LINGO2: variants seen among roughly 807,000 people sequenced by gnomAD.
LINGO2 encodes leucine-rich repeat and immunoglobulin-like domain-containing nogo receptor-interacting protein 2.
LINGO2 carries 14 observed loss-of-function variants against 30.6 expected under a neutral mutation model. The observed-to-expected ratio is 0.46, with a 90% CI of 0.30 to 0.72. LINGO2 has a LOEUF of 0.72. Ranked by LOEUF, LINGO2 falls within the 30% of genes least tolerant of loss-of-function variation. The probability of loss-of-function intolerance (pLI) is 0.07; values close to 1 mark genes in which losing one functional copy is unlikely to be tolerated. For missense variants in LINGO2, 729 were observed against 751.7 expected (o/e 0.97, Z 0.35); for synonymous variants, 317 against 288.5 (o/e 1.10, Z -1.00).
At chr9:28,797,991 G>C in the LINGO2 span, among the ~76,000 whole-genome samples, 1 of 152,012 alleles carries the variant, frequency 6.6e-6, no homozygotes, top group East Asian at 1.9e-4. Flanking sequence ...GGAACTAGCT[G>C]ACAGTTCAAT....
chr9:28,342,366 C>T (rs981057754), intron 3 of LINGO2, among the ~76,000 whole-genome samples: 7 of 152,120 alleles, frequency 4.6e-5, no homozygotes, highest in African/African-American at 1.4e-4. Context: ...CCAACAAACA[C>T]GCAAACTTTA....
At chr9:28,517,776 C>T (rs1820678391) in intron 1 of LINGO2, among the ~76,000 whole-genome samples, 1 of 152,100 alleles carries the variant, frequency 6.6e-6, no homozygotes, top group South Asian at 2.1e-4. Context: ...AGCATATTTT[C>T]ACACTGCGGA....
the LINGO2 span, among the ~76,000 whole-genome samples, chr9:29,023,549 A>G: frequency 2.6e-3 from 400 of 152,286 alleles, 1 homozygote; most frequent in African/African-American, 9.0e-3. Context: ...TAAAATTCAG[A>G]TACAGTAGTT....
chr9:28,824,103 C>T, the LINGO2 span, among the ~76,000 whole-genome samples: 1 of 152,100 alleles, frequency 6.6e-6, no homozygotes, highest in African/African-American at 2.4e-5. Context: ...TTGTTATTCG[C>T]TCATGCCTGT....
At chr9:28,591,282 C>T (rs1367885909) in intron 1 of LINGO2, among the ~76,000 whole-genome samples, 2 of 151,978 alleles carry the variant, frequency 1.3e-5, no homozygotes, top group African/African-American at 4.8e-5. Flanking sequence ...ACATTGTGCA[C>T]ATGTACCCTA....
At chr9:28,694,813 CAT>C in the LINGO2 span, among the ~76,000 whole-genome samples, 12 of 152,036 alleles carry the variant, frequency 7.9e-5, no homozygotes, top group East Asian at 2.1e-3. Context: ...CCCATGTTCA[CAT>C]GTGTCACTTA....
At chr9:29,115,306 C>G in the LINGO2 span, among the ~76,000 whole-genome samples, 1 of 152,012 alleles carries the variant, frequency 6.6e-6, no homozygotes, top group South Asian at 2.1e-4. Flanking sequence ...TTTATTTAGA[C>G]TATAAAGTCC....
the LINGO2 span, among the ~76,000 whole-genome samples, chr9:28,756,358 A>G: frequency 6.6e-6 from 1 of 151,954 alleles, no homozygotes; most frequent in African/African-American, 2.4e-5. Context: ...TGTGTCTTGT[A>G]AGTAATTAAC....
intron 4 of LINGO2, among the ~76,000 whole-genome samples, chr9:28,027,708 A>C (rs1435691860): frequency 6.6e-6 from 1 of 152,176 alleles, no homozygotes; most frequent in Non-Finnish European, 1.5e-5. Flanking sequence ...ATTAAATGCG[A>C]GGTGGTATAT....
chr9:28,519,153 C>A (rs1040344746), intron 1 of LINGO2, among the ~76,000 whole-genome samples: 3 of 152,050 alleles, frequency 2.0e-5, no homozygotes, highest in African/African-American at 7.2e-5. Context: ...CCATCTCAGC[C>A]TCCAGAGTAG....
chr9:28,940,199 A>C, the LINGO2 span, among the ~76,000 whole-genome samples: 1 of 152,108 alleles, frequency 6.6e-6, no homozygotes, highest in Non-Finnish European at 1.5e-5. Flanking sequence ...CCTCTTAGAC[A>C]TGCAGGTAGG....
chr9:28,284,933 TA>T (rs1823453855), intron 4 of LINGO2, among the ~76,000 whole-genome samples: 1 of 152,122 alleles, frequency 6.6e-6, no homozygotes, highest in Non-Finnish European at 1.5e-5. Flanking sequence ...CCATAACTCA[TA>T]GAACTGCCAC....
chr9:28,199,125 C>A (rs894112635), intron 4 of LINGO2, among the ~76,000 whole-genome samples: 1 of 152,154 alleles, frequency 6.6e-6, no homozygotes, highest in Non-Finnish European at 1.5e-5. Flanking sequence ...TATTACCCAG[C>A]ATTGCAAACT....
the LINGO2 span, among the ~76,000 whole-genome samples, chr9:28,829,744 G>T: frequency 6.6e-6 from 1 of 152,108 alleles, no homozygotes; most frequent in Non-Finnish European, 1.5e-5. Flanking sequence ...AAAAAAGCTA[G>T]CTGGGTGTGG....
At chr9:28,083,127 C>G (rs138037629) in intron 4 of LINGO2, among the ~76,000 whole-genome samples, 8 of 152,300 alleles carry the variant, frequency 5.3e-5, no homozygotes, top group African/African-American at 1.4e-4. Flanking sequence ...TGCTGAGACT[C>G]ACATGCATTG....
At chr9:28,223,942 G>C (rs566923385) in intron 4 of LINGO2, among the ~76,000 whole-genome samples, 2 of 152,320 alleles carry the variant, frequency 1.3e-5, no homozygotes, top group African/African-American at 4.8e-5. Flanking sequence ...TGATAGCAAA[G>C]ATGACAAGTA....
chr9:28,608,765 C>T (rs990696369), intron 1 of LINGO2, among the ~76,000 whole-genome samples: 1 of 151,798 alleles, frequency 6.6e-6, no homozygotes, highest in Non-Finnish European at 1.5e-5. Context: ...ACTTTTCCTT[C>T]GAACCATGGA....
intron 4 of LINGO2, among the ~76,000 whole-genome samples, chr9:28,191,009 C>T (rs576324693): frequency 6.6e-6 from 1 of 152,230 alleles, no homozygotes; most frequent in South Asian, 2.1e-4. Context: ...CAGCCAGGTG[C>T]CAGTTAGCAT....
intron 5 of LINGO2, among the ~76,000 whole-genome samples, chr9:27,999,436 C>G (rs7047545): frequency 0.042 from 6,061 of 143,820 alleles, 312 homozygotes; most frequent in African/African-American, 0.098. Flanking sequence ...GCCTAATCTT[C>G]AGAGAGAGAG....
Sources: allele counts gnomAD v4.1 joint callset (sites outside exome capture counted in the v4.1 genomes callset), GRCh38; gene constraint gnomAD v4.1.1; transcripts MANE v1.5; gene names NCBI Gene and HGNC (gene_info 2026-07-23, HGNC 2026-07-21).